The following BICDL1 variants were observed in gnomAD, a reference collection of about 807,000 sequenced individuals.
BICDL1 encodes BICD family like cargo adaptor 1, also known as BICD family-like cargo adapter 1.
Under a neutral mutation model 76.8 loss-of-function variants are expected in BICDL1, and 20 were observed. The ratio of observed to expected loss-of-function variants is 0.26; its 90% CI spans 0.18 to 0.38. The LOEUF (loss-of-function observed/expected upper bound fraction) is 0.38. Ranked by LOEUF, BICDL1 falls within the 10% of genes least tolerant of loss-of-function variation. BICDL1 has a pLI of 1.00. For missense variants in BICDL1, 700 were observed against 798.6 expected, an observed-to-expected ratio of 0.88 and a Z score of 1.49; for synonymous variants, 383 against 337.1, an observed-to-expected ratio of 1.14 and a Z score of -1.49.
intron 3 of BICDL1, among the ~76,000 whole-genome samples, chr12:120,063,003 A>C (rs896448623): frequency 6.6e-6 from 1 of 152,178 alleles, no homozygotes; most frequent in Non-Finnish European, 1.5e-5. Flanking sequence ...TTGGTGGCCT[A>C]ACACTGATTC....
At chr12:120,083,266 TA>T (rs1344818008) in intron 8 of BICDL1, among the ~76,000 whole-genome samples, 1 of 152,198 alleles carries the variant, frequency 6.6e-6, no homozygotes, top group African/African-American at 2.4e-5. Context: ...TTTATGTATT[TA>T]TTTTTTTGAG....
At chr12:120,034,995 A>G (rs1247141286) in intron 2 of BICDL1, among the ~76,000 whole-genome samples, 2 of 152,238 alleles carry the variant, frequency 1.3e-5, no homozygotes, top group Non-Finnish European at 2.9e-5. Context: ...TGCACAAAGA[A>G]GATACTTAGA....
At chr12:120,014,141 C>T (rs572920800) in intron 2 of BICDL1, among the ~76,000 whole-genome samples, 1 of 152,256 alleles carries the variant, frequency 6.6e-6, no homozygotes, top group Non-Finnish European at 1.5e-5. Flanking sequence ...TTTACTTAAA[C>T]GATCATGTTT....
intron 2 of BICDL1, among the ~76,000 whole-genome samples, chr12:120,000,752 T>A (rs905002607): frequency 1.3e-5 from 2 of 152,242 alleles, no homozygotes; most frequent in Non-Finnish European, 2.9e-5. Flanking sequence ...AATCTGACTC[T>A]GTTACTCATT....
chr12:120,034,365 A>T (rs1054309679), intron 2 of BICDL1, among the ~76,000 whole-genome samples: 2 of 152,188 alleles, frequency 1.3e-5, no homozygotes, highest in African/African-American at 4.8e-5. Flanking sequence ...TATGACACTA[A>T]AATTAACACA....
At chr12:119,994,768 A>G (rs1274593902) in intron 1 of BICDL1, among the ~76,000 whole-genome samples, 2 of 152,184 alleles carry the variant, frequency 1.3e-5, no homozygotes, top group Non-Finnish European at 2.9e-5. Flanking sequence ...GATTACAGGC[A>G]TGAGCCACTG....
intron 2 of BICDL1, chr12:120,000,663 C>G (rs976280894): frequency 6.6e-6 from 1 of 151,920 alleles, no homozygotes; most frequent in Non-Finnish European, 1.5e-5. Flanking sequence ...GACTCTGCCC[C>G]GTGAAAGATA....
At chr12:120,010,596 CAG>C (rs942037676) in intron 2 of BICDL1, among the ~76,000 whole-genome samples, 1 of 152,216 alleles carries the variant, frequency 6.6e-6, no homozygotes, top group African/African-American at 2.4e-5. Flanking sequence ...AGAGGTGCCT[CAG>C]GGAATAGCTG....
In BICDL1 at chr12:120,061,762, A is replaced by T; in HGVS notation, c.698A>T (p.Asp233Val). 1 of 1,614,168 alleles carries T rather than the reference A, an allele frequency of 6.2e-7. No homozygotes were observed. ...LSMQVHALRE[D>V]FREKNSSTNQ... ...ATGCAGGTCCACGCCCTCAGAGAAG[A>T]CTTTCGGGAGAAAAACTCATCAACC... The change falls in exon 3 of 10, where the codon GAC (aspartate) becomes GTC (valine). Residue 233 changes from aspartate (D) to valine (V), a missense_variant. Asp to Val is a radical substitution (Grantham distance 152, BLOSUM62 -3). This residue lies in a region of BICDL1 where 455 missense variants were observed against 548.7 expected (regional missense o/e 0.83). Transcript: ENST00000548673.
At chr12:120,067,784 G>A (rs556019228) in intron 4 of BICDL1, among the ~76,000 whole-genome samples, 18 of 152,314 alleles carry the variant, frequency 1.2e-4, no homozygotes, top group African/African-American at 3.8e-4. Context: ...TAATTGTGAA[G>A]CATTTTGCCA....
chr12:120,072,692 G>A lies in BICDL1; in HGVS notation c.1271G>A (p.Arg424Lys), dbSNP rs769338259. Residue 424 changes from arginine to lysine, a missense_variant, in exon 6 of 10, where the codon AGA becomes AAA. Arg to Lys is a conservative substitution (Grantham distance 26). Transcript: ENST00000548673. ...SLRTALNELK[R>K]LIQSIVDGME... ...CGCACTGCCCTCAATGAGCTCAAGA[G>A]ACTGATACAGAGCATTGTGGATGGC... is the stretch of plus-strand genomic sequence containing the variant. 1 of 1,613,756 alleles carries A rather than the reference G, an allele frequency of 6.2e-7. No individual in the cohort carries two copies. The highest frequency in any genetic ancestry group is 2.2e-5 in the East Asian group (1 of 44,894).
chr12:120,091,086 C>A, intron 9 of BICDL1: 1 of 1,282,440 alleles, frequency 7.8e-7, no homozygotes, highest in Non-Finnish European at 1.0e-6. Context: ...CCGCCGCCTC[C>A]CCTCATGGCC....
intron 2 of BICDL1, among the ~76,000 whole-genome samples, chr12:120,025,121 C>G (rs928819014): frequency 6.7e-6 from 1 of 150,062 alleles, no homozygotes; most frequent in Non-Finnish European, 1.5e-5. Flanking sequence ...GCGATCTCAG[C>G]TCACTGCAGG....
At position 120,079,516 on chromosome 12, in the gene BICDL1, T is replaced by C. The variant is rs1873808726; in HGVS notation, c.1453-1371T>C. 6.6e-6 allele frequency among the ~76,000 whole-genome samples: 1 copy of C among 152,064 alleles called. No individual in the cohort carries two copies. Among genetic ancestry groups the C allele is most frequent in the African/African-American group, 2.4e-5 (1 of 41,408 alleles). On this transcript the variant is annotated intron_variant, in intron 7 of 9. Transcript: ENST00000548673. This position sits in a 1 kb window ranked among gnomAD's most constrained non-coding sequence, Gnocchi z 4.3. ...ATGGATGGATCCTCCCTTGGAAAAA[T>C]GTCAAAGTATGTGTAATATTTAACA...
rs76405759 is a variant in BICDL1 at position 120,025,119 on chromosome 12, A to C, written c.645+26383A>C. 1.9e-3 allele frequency among the ~76,000 whole-genome samples: 274 copies of C among 145,622 alleles called. 7 individuals carry two copies. The East Asian group carries it at 0.044, about 24-fold the overall frequency. ...GGCTGGAGTGCAGTGGCGCGATCTCAGCTCACTGCAGGCTCCGCCCCCTGG... is the reference window on the plus strand; with the variant it reads ...GGCTGGAGTGCAGTGGCGCGATCTCCGCTCACTGCAGGCTCCGCCCCCTGG... On this transcript the variant is annotated intron_variant, in intron 2 of 9. Transcript: ENST00000548673.
chr12:119,992,536 C>T lies in BICDL1; in HGVS notation c.429+2239C>T, dbSNP rs377481874. The T allele has an allele frequency of 2.0e-5, 3 of 152,350 alleles. No homozygotes were observed. The East Asian group carries it at 5.8e-4, about 29-fold the overall frequency. 9.4% of individuals were successfully genotyped at this position (152,350 alleles called of 1,614,324 possible). Reference sequence around the variant, plus strand: ...TAGCTGGGACTACAGGCGCCTACTACACACCTGGCTAATTTTGTAAAAATG... The same window carrying T: ...TAGCTGGGACTACAGGCGCCTACTATACACCTGGCTAATTTTGTAAAAATG... On this transcript the variant is annotated intron_variant, in intron 1 of 9. Transcript: ENST00000548673.
At chr12:120,073,980 C>T (rs770557205) in intron 6 of BICDL1, among the ~76,000 whole-genome samples, 11 of 152,126 alleles carry the variant, frequency 7.2e-5, no homozygotes, top group Non-Finnish European at 1.0e-4. Context: ...AGTGCTGTGG[C>T]GCCATCTTGG....
intron 8 of BICDL1, among the ~76,000 whole-genome samples, chr12:120,088,854 G>T (rs1197077669): frequency 6.6e-6 from 1 of 151,808 alleles, no homozygotes; most frequent in Non-Finnish European, 1.5e-5. Context: ...TTTTAGTAGA[G>T]ACGGGGTTTC....
At position 120,088,649 on chromosome 12, in the gene BICDL1, G is replaced by A. The variant is rs1296535353; in HGVS notation, c.1584-1302G>A. 2.1e-5 allele frequency among the ~76,000 whole-genome samples: 3 copies of A among 145,484 alleles called. 1 individual carries two copies. In the Admixed American group the frequency reaches 2.1e-4, roughly 10 times the overall value. Reference sequence around the variant, plus strand: ...TGGGATTACAGGCACGAGCCACCGCGCCTGGCCACACTTTATGGGGTTTTT... The same window carrying A: ...TGGGATTACAGGCACGAGCCACCGCACCTGGCCACACTTTATGGGGTTTTT... On this transcript the variant is annotated intron_variant, in intron 8 of 9. Transcript: ENST00000548673.
Sources: allele counts gnomAD v4.1 joint callset (sites outside exome capture counted in the v4.1 genomes callset), GRCh38; gene constraint gnomAD v4.1.1; regional missense constraint gnomAD v4.1.1; non-coding constraint Gnocchi (gnomAD v3.1); transcripts MANE v1.5; gene names NCBI Gene and HGNC (gene_info 2026-07-23, HGNC 2026-07-21).